The following BCHE variants were observed in gnomAD, a reference collection of about 807,000 sequenced individuals.
The protein encoded by BCHE is cholinesterase.
Under a neutral mutation model 51.3 loss-of-function variants are expected in BCHE, and 48 were observed. The ratio of observed to expected loss-of-function variants is 0.94; its 90% CI spans 0.74 to 1.19. BCHE has a LOEUF of 1.19. Among genes scored for constraint, BCHE ranks in the 50% most tolerant of loss-of-function variants. The probability of loss-of-function intolerance (pLI) is 0.00; values close to 1 mark genes in which losing one functional copy is unlikely to be tolerated. For synonymous variants in BCHE, 251 were observed against 238.0 expected (o/e 1.05, Z -0.50); for missense variants, 847 against 708.2 (o/e 1.20, Z -2.23).
intron 3 of BCHE, among the ~76,000 whole-genome samples, chr3:165,781,526 G>C (rs1392020573): frequency 6.6e-6 from 1 of 152,056 alleles, no homozygotes; most frequent in Non-Finnish European, 1.5e-5. Flanking sequence ...TCACTCATAA[G>C]TGGGAGCTGA....
chr3:165,825,027 C>G (rs1334067277), intron 2 of BCHE, among the ~76,000 whole-genome samples: 1 of 150,312 alleles, frequency 6.7e-6, no homozygotes, highest in Admixed American at 6.6e-5. Context: ...TTTTTCAAAT[C>G]AAAAGTTTTG....
At position 165,831,043 on chromosome 3, in the gene BCHE, T is replaced by G. The variant is rs1560023927; in HGVS notation, c.-8-2A>C. 6.2e-7 allele frequency: 1 copy of G among 1,605,614 alleles called. No individual in the cohort carries two copies. On this transcript the variant is annotated splice_acceptor_variant, in intron 1 of 3. Coordinates refer to ENST00000264381, the MANE Select transcript of BCHE (RefSeq NM_000055.4). LOFTEE classifies it low-confidence loss of function (5UTR_SPLICE). The stretch of plus-strand genomic sequence containing the variant: ...TGACTTTGCTATGCATATTGATTTC[T>G]GAAAGAGAGGTAAGTATAATGTTTT...
At chr3:165,804,929 A>G (rs1713816413) in intron 2 of BCHE, among the ~76,000 whole-genome samples, 1 of 152,230 alleles carries the variant, frequency 6.6e-6, no homozygotes, top group African/African-American at 2.4e-5. Context: ...GATTAAGAGA[A>G]AAAGGCCAAA....
intron 2 of BCHE, among the ~76,000 whole-genome samples, chr3:165,817,926 G>A (rs1331032500): frequency 1.3e-5 from 2 of 151,984 alleles, no homozygotes; most frequent in African/African-American, 2.4e-5. Flanking sequence ...ACAATCTAAA[G>A]AAGGAAAATT....
At chr3:165,787,885 A>G (rs114806336) in intron 2 of BCHE, among the ~76,000 whole-genome samples, 263 of 152,142 alleles carry the variant, frequency 1.7e-3, no homozygotes, top group African/African-American at 6.2e-3. Context: ...TATTTAGAAT[A>G]ATCAAGAAAC....
intron 3 of BCHE, among the ~76,000 whole-genome samples, chr3:165,775,478 AC>A (rs1712435564): frequency 6.6e-6 from 1 of 151,740 alleles, no homozygotes; most frequent in Non-Finnish European, 1.5e-5. Flanking sequence ...TTAAAAAATA[AC>A]AAAATGTTGT....
At chr3:165,826,557 T>C (rs955439696) in intron 2 of BCHE, among the ~76,000 whole-genome samples, 2 of 152,124 alleles carry the variant, frequency 1.3e-5, no homozygotes, top group African/African-American at 4.8e-5. Context: ...TGCTTTATCT[T>C]TATGGAGTTG....
chr3:165,784,450 T>G (rs1712861319), intron 3 of BCHE, among the ~76,000 whole-genome samples: 1 of 151,928 alleles, frequency 6.6e-6, no homozygotes, highest in South Asian at 2.1e-4. Flanking sequence ...AAAAATGGTA[T>G]AATACAAAAT....
intron 2 of BCHE, among the ~76,000 whole-genome samples, chr3:165,821,472 T>C (rs2108228805): frequency 6.6e-6 from 1 of 151,840 alleles, no homozygotes; most frequent in East Asian, 1.9e-4. Context: ...CAAGAAAATA[T>C]ACCCATTTGG....
intron 2 of BCHE, among the ~76,000 whole-genome samples, chr3:165,794,972 A>C (rs1039265856): frequency 9.9e-5 from 15 of 152,174 alleles, no homozygotes; most frequent in African/African-American, 3.4e-4. Context: ...TTTCATGTCC[A>C]GTGCCTATCA....
intron 2 of BCHE, among the ~76,000 whole-genome samples, chr3:165,800,501 G>C (rs952847312): frequency 6.6e-6 from 1 of 151,808 alleles, no homozygotes; most frequent in Non-Finnish European, 1.5e-5. Flanking sequence ...TTTACCCAGG[G>C]TTTCTCTGCT....
At chr3:165,780,593 G>A (rs1712656864) in intron 3 of BCHE, among the ~76,000 whole-genome samples, 1 of 152,012 alleles carries the variant, frequency 6.6e-6, no homozygotes, top group Admixed American at 6.6e-5. Context: ...ATCAAAAAGT[G>A]GGCACATAAT....
At chr3:165,793,940 G>A (rs910261556) in intron 2 of BCHE, among the ~76,000 whole-genome samples, 1 of 151,930 alleles carries the variant, frequency 6.6e-6, no homozygotes, top group African/African-American at 2.4e-5. Context: ...CCAGCTCCTC[G>A]GAAGGCTGAG....
intron 2 of BCHE, among the ~76,000 whole-genome samples, chr3:165,792,633 A>G (rs1381033249): frequency 1.3e-5 from 2 of 152,198 alleles, no homozygotes; most frequent in African/African-American, 4.8e-5. Flanking sequence ...ATTTGAAATT[A>G]TTTTGGTCAA....
intron 3 of BCHE, among the ~76,000 whole-genome samples, chr3:165,775,273 T>A (rs1712419840): frequency 6.6e-6 from 1 of 151,956 alleles, no homozygotes; most frequent in Non-Finnish European, 1.5e-5. Context: ...ATGTTCACAA[T>A]GCTTGGACAT....
chr3:165,836,481 G>T (rs1438106009), intron 1 of BCHE, among the ~76,000 whole-genome samples: 1 of 151,758 alleles, frequency 6.6e-6, no homozygotes, highest in Non-Finnish European at 1.5e-5. Flanking sequence ...ATAATAAATA[G>T]AAATCATAAA....
chr3:165,812,494 T>C (rs752551003), intron 2 of BCHE, among the ~76,000 whole-genome samples: 22 of 152,022 alleles, frequency 1.4e-4, no homozygotes, highest in Non-Finnish European at 2.8e-4. Context: ...ACAAATGGAG[T>C]GTTCCATGCT....
chr3:165,796,471 A>G (rs969697467), intron 2 of BCHE, among the ~76,000 whole-genome samples: 1 of 152,146 alleles, frequency 6.6e-6, no homozygotes, highest in African/African-American at 2.4e-5. Flanking sequence ...CCTTGTTCAT[A>G]TTGTCAGTCA....
chr3:165,792,937 T>C (rs1713224536), intron 2 of BCHE, among the ~76,000 whole-genome samples: 2 of 152,202 alleles, frequency 1.3e-5, no homozygotes. Context: ...AACAATGTCT[T>C]TTATTGATTT....
Sources: gnomAD v4.1 joint callset for allele counts (sites outside exome capture counted in the v4.1 genomes callset) on GRCh38, gnomAD v4.1.1 for gene constraint, MANE v1.5 for transcripts, NCBI Gene and HGNC (gene_info 2026-07-23, HGNC 2026-07-21) for gene names.